Variants in DNAJC1 observed in about 807,000 individuals in gnomAD.
DNAJC1 encodes the protein DnaJ heat shock protein family (Hsp40) member C1, also known as dnaJ homolog subfamily C member 1.
DNAJC1 carries 58 observed loss-of-function variants against 76.6 expected under a neutral mutation model. The observed-to-expected ratio is 0.76, with a 90% CI of 0.61 to 0.94. The LOEUF is 0.94. Ranked by LOEUF, DNAJC1 falls within the 40% of genes least tolerant of loss-of-function variation. The pLI, the probability that DNAJC1 is intolerant of heterozygous loss-of-function variation, is 0.00. For synonymous variants in DNAJC1, 258 were observed against 267.9 expected, an observed-to-expected ratio of 0.96 and a Z score of 0.36; for missense variants, 689 against 677.3, an observed-to-expected ratio of 1.02 and a Z score of -0.19.
intron 8 of DNAJC1, among the ~76,000 whole-genome samples, chr10:21,826,131 G>A (rs1369510638): frequency 4.6e-5 from 7 of 151,626 alleles, no homozygotes; most frequent in Non-Finnish European, 8.8e-5. Flanking sequence ...CCAGCTCCTC[G>A]GTAGGCTGAG....
intron 8 of DNAJC1, among the ~76,000 whole-genome samples, chr10:21,850,988 C>A (rs1370044914): frequency 6.6e-6 from 1 of 152,126 alleles, no homozygotes; most frequent in Non-Finnish European, 1.5e-5. Flanking sequence ...ACCCATAACT[C>A]ACACCACAAA....
chr10:21,860,971 C>T (rs1835910124), intron 8 of DNAJC1: 1 of 152,136 alleles, frequency 6.6e-6, no homozygotes, highest in African/African-American at 2.4e-5. Context: ...CAAAGGAACC[C>T]AGGAGAGCAA....
intron 10 of DNAJC1, among the ~76,000 whole-genome samples, chr10:21,760,447 G>C (rs1834227881): frequency 6.6e-6 from 1 of 152,222 alleles, no homozygotes; most frequent in Non-Finnish European, 1.5e-5. Context: ...ATGAGTATCA[G>C]AGAACTAAAA....
intron 1 of DNAJC1, among the ~76,000 whole-genome samples, chr10:21,939,543 T>C (rs973338200): frequency 9.2e-5 from 14 of 152,316 alleles, no homozygotes; most frequent in Non-Finnish European, 1.6e-4. Context: ...CTGTACCATT[T>C]CTATGTTTAG....
At chr10:21,913,151 C>T (rs1397017046) in intron 6 of DNAJC1, among the ~76,000 whole-genome samples, 1 of 151,772 alleles carries the variant, frequency 6.6e-6, no homozygotes, top group Non-Finnish European at 1.5e-5. Flanking sequence ...CTTGTTAGAT[C>T]TGTTAGTAAT....
At chr10:21,773,988 A>C (rs921640348) in intron 9 of DNAJC1, among the ~76,000 whole-genome samples, 6 of 150,926 alleles carry the variant, frequency 4.0e-5, no homozygotes, top group Admixed American at 1.3e-4. Context: ...AAAAATACAA[A>C]AAATTAGCCG....
intron 1 of DNAJC1, among the ~76,000 whole-genome samples, chr10:21,965,988 T>A (rs1331835299): frequency 6.6e-6 from 1 of 152,214 alleles, no homozygotes; most frequent in Non-Finnish European, 1.5e-5. Flanking sequence ...GGTTTTCAGA[T>A]CTCTGTGGAT....
At chr10:21,792,632 G>A (rs1037068300) in intron 9 of DNAJC1, among the ~76,000 whole-genome samples, 2 of 151,760 alleles carry the variant, frequency 1.3e-5, no homozygotes, top group Non-Finnish European at 2.9e-5. Flanking sequence ...AGTGGCAGGC[G>A]CCTGGAATCC....
chr10:21,928,430 T>TA (rs1837164775), intron 3 of DNAJC1, 76 bp downstream of exon 3: 1 of 1,262,256 alleles, frequency 7.9e-7, no homozygotes, highest in Admixed American at 2.1e-5. Flanking sequence ...ATAAAATGTT[T>TA]AAGAAGACTT....
chr10:21,875,262 C>T (rs1033467297), intron 8 of DNAJC1, among the ~76,000 whole-genome samples: 1 of 152,112 alleles, frequency 6.6e-6, no homozygotes, highest in Non-Finnish European at 1.5e-5. Context: ...CTCAAGAGAT[C>T]CTCGTGCCCC....
Position 21,907,311 on chromosome 10 carries a change from T to A in DNAJC1, c.730-2699A>T, listed in dbSNP as rs199842356. 1.2e-4 allele frequency among the ~76,000 whole-genome samples: 17 copies of A among 141,972 alleles called. No homozygotes were observed. The East Asian group carries it at 3.4e-3, about 28-fold the overall frequency. 93.1% of individuals were successfully genotyped at this position (141,972 alleles called of 152,430 possible). ...AGCATTTATTTAAACATTCCTCATG[T>A]TTTTTTTTTTTCATATCTTACCTAT... On this transcript the variant is annotated intron_variant, in intron 6 of 11. Coordinates refer to ENST00000376980, the MANE Select transcript of DNAJC1 (RefSeq NM_022365.4).
At position 21,792,083 on chromosome 10, in the gene DNAJC1, T is replaced by C. The variant is rs959848829; in HGVS notation, c.1098+13897A>G. On this transcript the variant is annotated intron_variant, in intron 9 of 11. Transcript: ENST00000376980. Reference sequence around the variant, plus strand: ...TTGGAGAGAATATCAGCCACACTTTTATTATTCAAGCACTTTCAGAGCACA... The same window carrying C: ...TTGGAGAGAATATCAGCCACACTTTCATTATTCAAGCACTTTCAGAGCACA... 6.6e-5 allele frequency among the ~76,000 whole-genome samples: 10 copies of C among 152,202 alleles called. No homozygotes were observed. The East Asian group carries it at 1.7e-3, about 26-fold the overall frequency.
intron 8 of DNAJC1, among the ~76,000 whole-genome samples, chr10:21,851,584 T>G (rs1835754585): frequency 6.6e-6 from 1 of 152,086 alleles, no homozygotes; most frequent in Non-Finnish European, 1.5e-5. Context: ...TGATGGTACA[T>G]CAAAAAGTTA....
intron 1 of DNAJC1, among the ~76,000 whole-genome samples, chr10:21,949,809 A>G (rs1318447939): frequency 6.6e-6 from 1 of 151,908 alleles, no homozygotes; most frequent in Non-Finnish European, 1.5e-5. Context: ...AGGAGGACTG[A>G]TATTTCATGG....
intron 8 of DNAJC1, among the ~76,000 whole-genome samples, chr10:21,813,218 C>CTATATA (rs1387541271): frequency 6.7e-4 from 20 of 29,634 alleles, no homozygotes; most frequent in Non-Finnish European, 9.2e-4. Flanking sequence ...CTCTCTCTCT[C>CTATATA]TCTATATATA....
intron 9 of DNAJC1, 122 bp from the exon 10 acceptor site, chr10:21,766,431 C>A (rs1240905891): frequency 8.1e-6 from 6 of 741,038 alleles, no homozygotes; most frequent in African/African-American, 1.8e-5. Context: ...GCCTGAAAGA[C>A]CCTCAGTCGT....
chr10:21,775,200 CGTTA>C (rs1834438525), intron 9 of DNAJC1, among the ~76,000 whole-genome samples: 1 of 151,906 alleles, frequency 6.6e-6, no homozygotes, highest in East Asian at 1.9e-4. Context: ...ACAACAGGTT[CGTTA>C]GATAGCAGCA....
intron 9 of DNAJC1, among the ~76,000 whole-genome samples, chr10:21,773,673 T>G (rs1016305404): frequency 6.6e-6 from 1 of 152,226 alleles, no homozygotes; most frequent in African/African-American, 2.4e-5. Context: ...ATTGTTTAAC[T>G]GTCCATCTCT....
At chr10:21,830,925 A>T (rs1205830431) in intron 8 of DNAJC1, among the ~76,000 whole-genome samples, 4 of 152,072 alleles carry the variant, frequency 2.6e-5, no homozygotes, top group Admixed American at 6.6e-5. Context: ...ATGTTCTTTC[A>T]CTATGGTTTT....
Sources: allele counts gnomAD v4.1 joint callset (sites outside exome capture counted in the v4.1 genomes callset), GRCh38; gene constraint gnomAD v4.1.1; transcripts MANE v1.5; gene names NCBI Gene and HGNC (gene_info 2026-07-23, HGNC 2026-07-21).